The following PCDHA4 variants were observed in gnomAD, a reference collection of about 807,000 sequenced individuals.
PCDHA4 encodes the protein protocadherin alpha-4.
A neutral mutation model predicts 61.4 loss-of-function variants in PCDHA4; 49 were observed. The observed-to-expected ratio is 0.80, with a 90% CI of 0.63 to 1.01. The LOEUF is 1.01. Among genes scored for constraint, PCDHA4 ranks in the 50% least tolerant of loss-of-function variants. The pLI is 0.00. For missense variants in PCDHA4, 1,254 were observed against 1,235.8 expected (o/e 1.01, Z -0.22); for synonymous variants, 590 against 550.3 (o/e 1.07, Z -1.01).
chr5:140,882,046 TACTTAC>T lies in PCDHA4; in HGVS notation c.2385+72483_2385+72488del, dbSNP rs2058922100. The T allele has an allele frequency of 1.6e-5, 12 of 728,060 alleles. No homozygotes were observed. In the South Asian group the frequency reaches 2.5e-4, roughly 15 times the overall value. 45.1% of individuals were successfully genotyped at this position (728,060 alleles called of 1,614,324 possible). ...AATGGAAAATATGAAGACTGAGTCA[TACTTAC>T]ACTTACACGTTCATGCGCATGGTGT... is the stretch of plus-strand genomic sequence containing the variant. On this transcript the variant is annotated intron_variant, in intron 1 of 3. Coordinates refer to ENST00000530339, the MANE Select transcript of PCDHA4 (RefSeq NM_018907.4).
chr5:140,929,549 T>G, intron 1 of PCDHA4: 1 of 500,966 alleles, frequency 2.0e-6, no homozygotes, highest in Non-Finnish European at 3.3e-6. Context: ...GGGCAAAAAT[T>G]AAAACCTATT....
At chr5:140,833,320 T>C (rs1179944167) in intron 1 of PCDHA4, among the ~76,000 whole-genome samples, 1 of 152,170 alleles carries the variant, frequency 6.6e-6, no homozygotes, top group Non-Finnish European at 1.5e-5. Context: ...TTACATGCCA[T>C]TGGGAACATT....
At chr5:140,888,018 T>A (rs557919672) in intron 1 of PCDHA4, among the ~76,000 whole-genome samples, 1 of 152,360 alleles carries the variant, frequency 6.6e-6, no homozygotes, top group South Asian at 2.1e-4. Context: ...TTTATCTATA[T>A]GTTTGAGCAT....
chr5:140,830,281 C>T, intron 1 of PCDHA4: 2 of 1,613,822 alleles, frequency 1.2e-6, no homozygotes, highest in Non-Finnish European at 1.7e-6. Flanking sequence ...CCACCGAGGG[C>T]GCGTGCACGG....
intron 1 of PCDHA4, chr5:140,854,159 C>CTAAAA (rs2043003709): frequency 3.1e-6 from 1 of 323,772 alleles, no homozygotes; most frequent in Admixed American, 1.0e-4. Context: ...GATTCTGTCT[C>CTAAAA]AAAAAAAAAA....
intron 1 of PCDHA4, chr5:140,870,474 C>T (rs1554164302): frequency 6.2e-7 from 1 of 1,614,218 alleles, no homozygotes; most frequent in Non-Finnish European, 8.5e-7. Context: ...TCGCACAGCC[C>T]GAGTACACCG....
chr5:140,870,124 G>A, intron 1 of PCDHA4: 1 of 1,613,940 alleles, frequency 6.2e-7, no homozygotes, highest in Non-Finnish European at 8.5e-7. Context: ...GGAAATCTTG[G>A]ACACCAACGA....
At chr5:140,834,867 A>G (rs2150228348) in intron 1 of PCDHA4, 9 of 1,609,692 alleles carry the variant, frequency 5.6e-6, no homozygotes, top group Non-Finnish European at 7.6e-6. Flanking sequence ...CGATGCAGAT[A>G]TCGGGGAGAA....
intron 1 of PCDHA4, chr5:140,823,059 C>T (rs2150121787): frequency 6.2e-7 from 1 of 1,614,128 alleles, no homozygotes; most frequent in Non-Finnish European, 8.5e-7. Context: ...CCGCGCGGGA[C>T]GGGGGCTCGC....
At position 140,854,145 on chromosome 5, in the gene PCDHA4, G is replaced by T. The variant is rs1403834220; in HGVS notation, c.2385+44573G>T. ...CAACTGCATTTCAGCCCGGGTGACA[G>T]CAAGATTCTGTCTCAAAAAAAAAAA... On this transcript the variant is annotated intron_variant, in intron 1 of 3. Coordinates refer to ENST00000530339, the MANE Select transcript of PCDHA4 (RefSeq NM_018907.4). The T allele has an allele frequency of 1.6e-5, 7 of 435,310 alleles. 1 individual carries two copies. The highest frequency in any genetic ancestry group is 2.0e-5 in the Non-Finnish European group (7 of 352,084). The allele number at this position is 435,310 out of a possible 1,614,324, so 27.0% of individuals were successfully genotyped here.
chr5:140,937,343 A>G (rs1412775724), intron 1 of PCDHA4, among the ~76,000 whole-genome samples: 1 of 151,948 alleles, frequency 6.6e-6, no homozygotes, highest in Non-Finnish European at 1.5e-5. Context: ...GGCTTCTTCC[A>G]TTTATTTTAT....
chr5:140,822,074 A>G (rs1554128431), intron 1 of PCDHA4: 3 of 1,614,224 alleles, frequency 1.9e-6, no homozygotes, highest in Non-Finnish European at 2.5e-6. Flanking sequence ...CGGAGGGCGG[A>G]GTGCAGCATC....
At chr5:140,876,166 G>A (rs1554168317) in intron 1 of PCDHA4, 4 of 1,613,964 alleles carry the variant, frequency 2.5e-6, no homozygotes, top group Middle Eastern at 3.3e-4. Flanking sequence ...TCAAATAACC[G>A]TCCTGGATGT....
At chr5:140,851,449 A>G in intron 1 of PCDHA4, 2 of 913,694 alleles carry the variant, frequency 2.2e-6, no homozygotes, top group Middle Eastern at 5.7e-4. Flanking sequence ...GCTCCACTTT[A>G]GGAATCAAAT....
At chr5:140,927,657 T>A (rs1161396429) in intron 1 of PCDHA4, 6 of 1,614,050 alleles carry the variant, frequency 3.7e-6, no homozygotes, top group Non-Finnish European at 5.1e-6. Flanking sequence ...TATTCCGAGT[T>A]CAAGCCTTGG....
chr5:140,862,809 G>C (rs782185253), intron 1 of PCDHA4: 2 of 572,722 alleles, frequency 3.5e-6, no homozygotes, highest in South Asian at 1.4e-5. Context: ...AGCTGCTGCA[G>C]TTCTAGGTGA....
At chr5:140,858,175 G>A in intron 1 of PCDHA4, 2 of 1,597,716 alleles carry the variant, frequency 1.3e-6, no homozygotes, top group Non-Finnish European at 1.7e-6. Flanking sequence ...CCAGCTTGCT[G>A]GTGCTCACGC....
rs1205531440 is a variant in PCDHA4, at chr5:140,868,945, T to C, written c.2385+59373T>C. On this transcript the variant is annotated intron_variant, in intron 1 of 3. Transcript: ENST00000530339. ...TTCATTTAAAGGTTGGTCTGAACAG[T>C]GAGGCACTCCCATACAAAGGAACTC... 5 of 1,284,792 alleles carry C rather than the reference T, an allele frequency of 3.9e-6. No individual in the cohort carries two copies. The Admixed American group carries it at 1.1e-4, about 28-fold the overall frequency. The allele number at this position is 1,284,792 out of a possible 1,614,324, so 79.6% of individuals were successfully genotyped here. A position where few individuals can be genotyped will look rare whatever the true frequency, so the allele number is the denominator to read the frequency against.
intron 3 of PCDHA4, among the ~76,000 whole-genome samples, chr5:141,007,208 A>G (rs1056049066): frequency 5.3e-5 from 8 of 152,060 alleles, no homozygotes; most frequent in African/African-American, 1.9e-4. Context: ...GGGCCAGAAT[A>G]TGCTGTCCCA....
Sources: gnomAD v4.1 joint callset for allele counts (sites outside exome capture counted in the v4.1 genomes callset) on GRCh38, gnomAD v4.1.1 for gene constraint, MANE v1.5 for transcripts, NCBI Gene and HGNC (gene_info 2026-07-23, HGNC 2026-07-21) for gene names.